NEBL: variants seen among roughly 807,000 people sequenced by gnomAD.
NEBL encodes nebulette, also known as LIM and SH3 protein 2.
In NEBL, 122 loss-of-function variants were observed where a neutral mutation model predicts 140.2. That is an observed-to-expected ratio of 0.87 (90% CI 0.75 to 1.01). The LOEUF is 1.01. Ranked by LOEUF, NEBL falls within the 50% of genes least tolerant of loss-of-function variation. The pLI is 0.00. For synonymous variants in NEBL, 436 were observed against 398.9 expected (o/e 1.09, Z -1.11); for missense variants, 1,365 against 1,231.3 (o/e 1.11, Z -1.62).
intron 3 of NEBL, among the ~76,000 whole-genome samples, chr10:20,966,491 T>C (rs1836323359): frequency 6.6e-6 from 1 of 152,176 alleles, no homozygotes; most frequent in Admixed American, 6.5e-5. Flanking sequence ...CAAATATTAG[T>C]TTCATTCTTT....
At chr10:20,829,473 T>C (rs532959870) in intron 16 of NEBL, among the ~76,000 whole-genome samples, 1 of 151,360 alleles carries the variant, frequency 6.6e-6, no homozygotes, top group South Asian at 2.1e-4. Flanking sequence ...CATTAGGAGA[T>C]ATACCTAATG....
intron 2 of NEBL, among the ~76,000 whole-genome samples, chr10:21,132,306 T>G (rs780882989): frequency 6.6e-6 from 1 of 152,222 alleles, no homozygotes; most frequent in Non-Finnish European, 1.5e-5. Flanking sequence ...ATTAACAGCA[T>G]GATCAGTGCT....
intron 10 of NEBL, 72 bp from the exon 11 acceptor site, chr10:20,850,574 T>A (rs1842411368): frequency 1.0e-6 from 1 of 995,438 alleles, no homozygotes; most frequent in Non-Finnish European, 1.6e-6. Context: ...AGAAAAAATA[T>A]ATGTTCTAAA....
At chr10:21,243,572 C>T (rs142667059) in intron 3 of NEBL, among the ~76,000 whole-genome samples, 2 of 152,100 alleles carry the variant, frequency 1.3e-5, no homozygotes, top group African/African-American at 4.8e-5. Context: ...ATGCCTGGCC[C>T]ATATTATCAT....
chr10:20,788,856 G>C (rs1034802872), intron 26 of NEBL, among the ~76,000 whole-genome samples: 7 of 152,270 alleles, frequency 4.6e-5, no homozygotes, highest in Non-Finnish European at 7.4e-5. Flanking sequence ...AATTAGCTGA[G>C]TAGGGAGGCT....
At chr10:20,939,582 C>A (rs913022710) in intron 4 of NEBL, among the ~76,000 whole-genome samples, 5 of 152,080 alleles carry the variant, frequency 3.3e-5, no homozygotes, top group Admixed American at 6.6e-5. Context: ...TCACACATAA[C>A]AATATTAACC....
chr10:21,001,137 T>C (rs1401808504), intron 3 of NEBL, among the ~76,000 whole-genome samples: 2 of 152,002 alleles, frequency 1.3e-5, no homozygotes, highest in Non-Finnish European at 2.9e-5. Flanking sequence ...GTCAGGAAAA[T>C]GCTAGTCTAA....
At chr10:21,067,155 T>C (rs1452221693) in intron 2 of NEBL, among the ~76,000 whole-genome samples, 1 of 151,884 alleles carries the variant, frequency 6.6e-6, no homozygotes, top group African/African-American at 2.4e-5. Flanking sequence ...GTATTTATAG[T>C]AGAGATGGGG....
At chr10:21,094,215 G>A (rs1303892835) in intron 2 of NEBL, among the ~76,000 whole-genome samples, 1 of 152,110 alleles carries the variant, frequency 6.6e-6, no homozygotes, top group Non-Finnish European at 1.5e-5. Flanking sequence ...AAATTAGCCA[G>A]GTGTAGGCCG....
At chr10:20,866,765 G>C (rs1171206550) in intron 7 of NEBL, among the ~76,000 whole-genome samples, 2 of 152,142 alleles carry the variant, frequency 1.3e-5, no homozygotes, top group African/African-American at 4.8e-5. Flanking sequence ...GGGTGTAAAA[G>C]ACATTTTGCT....
At chr10:20,836,325 C>T (rs566087528) in intron 13 of NEBL, among the ~76,000 whole-genome samples, 5 of 151,946 alleles carry the variant, frequency 3.3e-5, no homozygotes, top group African/African-American at 7.3e-5. Flanking sequence ...TGGGTTCAAG[C>T]GATTCTCCAG....
At chr10:20,826,625 T>C (rs532491676) in intron 17 of NEBL, 86 bp from the exon 18 acceptor site, 2 of 1,015,584 alleles carry the variant, frequency 2.0e-6, no homozygotes, top group South Asian at 2.6e-5. Context: ...ATTTCTCAGG[T>C]TTTATAATAA....
In NEBL at chr10:21,173,791, T is replaced by G. The variant is rs1841193217; in HGVS notation, c.43A>C (p.Thr15Pro). 4 of 1,612,760 alleles carry G rather than the reference T, an allele frequency of 2.5e-6. No individual in the cohort carries two copies. The highest frequency in any genetic ancestry group is 2.7e-5 in the African/African-American group (2 of 74,856). ...TTATCCAGGCAGTTGACTTTCTCGGTGGGATACACGACTTTTCCGCAACGG... is the reference window on the plus strand; with the variant it reads ...TTATCCAGGCAGTTGACTTTCTCGGGGGGATACACGACTTTTCCGCAACGG... The change falls in exon 1 of 7, where the codon ACC becomes CCC. Residue 15 changes from threonine to proline, a missense_variant. Thr to Pro is a conservative substitution (Grantham distance 38). Transcript: ENST00000417816. This position sits in a 1 kb window ranked among gnomAD's most constrained non-coding sequence, Gnocchi z 5.7.
At chr10:21,195,481 T>C (rs1036652226) in intron 3 of NEBL, among the ~76,000 whole-genome samples, 1 of 152,224 alleles carries the variant, frequency 6.6e-6, no homozygotes, top group African/African-American at 2.4e-5. Flanking sequence ...AGGAAGGACT[T>C]TTATTCCCAC....
At chr10:20,831,409 T>C (rs1564364011) in intron 15 of NEBL, 64 bp downstream of exon 15, 1 of 1,507,972 alleles carries the variant, frequency 6.6e-7, no homozygotes, top group East Asian at 2.3e-5. Flanking sequence ...AAAGAAAACT[T>C]ATGCTCTTTC....
intron 2 of NEBL, among the ~76,000 whole-genome samples, chr10:20,891,898 T>G (rs948019088): frequency 4.6e-5 from 7 of 152,126 alleles, no homozygotes; most frequent in African/African-American, 1.7e-4. Flanking sequence ...TAAGGAATAT[T>G]TATATAAATA....
At position 21,172,381 on chromosome 10, in the gene NEBL, A is replaced by T. The variant is rs1421436005; in HGVS notation, c.164+2T>A. On this transcript the variant is annotated splice_donor_variant, in intron 2 of 6. Transcript: ENST00000417816. LOFTEE classifies it high-confidence loss of function. Reference sequence around the variant, plus strand: ...CCTGGACAGCGTGTTGACAATACTTACGCATTACAATAGGGCTTCTTTTCA... The same window carrying T: ...CCTGGACAGCGTGTTGACAATACTTTCGCATTACAATAGGGCTTCTTTTCA... The T allele has an allele frequency of 6.2e-7, 1 of 1,608,880 alleles. No individual in the cohort carries two copies. The highest frequency in any genetic ancestry group is 1.3e-5 in the African/African-American group (1 of 74,748).
chr10:21,182,236 C>G (rs1037086564), intron 3 of NEBL, among the ~76,000 whole-genome samples: 4 of 151,042 alleles, frequency 2.6e-5, no homozygotes, highest in Admixed American at 2.6e-4. Context: ...CTTTAGAAAG[C>G]TGAGGCCAGA....
chr10:21,030,367 C>A (rs1833729983), intron 2 of NEBL: 1 of 615,638 alleles, frequency 1.6e-6, no homozygotes, highest in Non-Finnish European at 3.0e-6. Context: ...GTCAATCAGA[C>A]CAGGATGCAG....
Sources: allele counts gnomAD v4.1 joint callset (sites outside exome capture counted in the v4.1 genomes callset), GRCh38; gene constraint gnomAD v4.1.1; non-coding constraint Gnocchi (gnomAD v3.1); transcripts MANE v1.5; gene names NCBI Gene and HGNC (gene_info 2026-07-23, HGNC 2026-07-21).